Variants in KIAA1671 observed in about 807,000 individuals in gnomAD.
KIAA1671 encodes KIAA1671.
In KIAA1671, 52 loss-of-function variants were observed where a neutral mutation model predicts 131.2. The observed-to-expected ratio is 0.40, with a 90% confidence interval of 0.32 to 0.50. KIAA1671 has a LOEUF of 0.50. Ranked by LOEUF, KIAA1671 falls within the 20% of genes least tolerant of loss-of-function variation. The pLI is 0.73. For synonymous variants in KIAA1671, 1,003 were observed against 961.6 expected, an observed-to-expected ratio of 1.04 and a Z score of -0.80; for missense variants, 2,360 against 2,364.2, an observed-to-expected ratio of 1.00 and a Z score of 0.04.
At chr22:25,172,582 A>G (rs1232434508) in intron 7 of KIAA1671, among the ~76,000 whole-genome samples, 1 of 152,212 alleles carries the variant, frequency 6.6e-6, no homozygotes, top group Non-Finnish European at 1.5e-5. Flanking sequence ...CCCACTTGTC[A>G]GGTGTGCCCA....
chr22:25,187,657 G>T (rs1292340981), intron 11 of KIAA1671, among the ~76,000 whole-genome samples: 1 of 152,094 alleles, frequency 6.6e-6, no homozygotes, highest in East Asian at 1.9e-4. Flanking sequence ...CCATAGTTGT[G>T]TGCCACCATG....
intron 1 of KIAA1671, among the ~76,000 whole-genome samples, chr22:24,969,348 T>C (rs905000645): frequency 1.3e-5 from 2 of 152,220 alleles, no homozygotes; most frequent in Non-Finnish European, 1.5e-5. Flanking sequence ...CCTACGCATA[T>C]CTTCTCAAAT....
At position 25,038,927 on chromosome 22, in the gene KIAA1671, C is replaced by A; in HGVS notation, c.1797C>A (p.Val599=). 1 of 1,551,764 alleles carries A rather than the reference C, an allele frequency of 6.4e-7. No individual in the cohort carries two copies. Among genetic ancestry groups the A allele is most frequent in the East Asian group, 2.4e-5 (1 of 40,902 alleles). ...TGGAGGCCCCGTGCCCTTCTGACGT[C>A]ACTCCAGAGGATGACCGGAGCTTCC... The part of the protein sequence containing the change: ...SSVEAPCPSD[V]TPEDDRSFQT... The change falls in exon 5 of 13, where the codon GTC becomes GTA. Residue 599 remains valine, a synonymous_variant. Transcript: ENST00000358431.
Position 25,170,880 on chromosome 22 carries a change from G to C in KIAA1671, c.4591G>C (p.Val1531Leu), listed in dbSNP as rs552025293. The change falls in exon 7 of 13, where the codon GTG becomes CTG. Residue 1531 changes from valine (V) to leucine (L), a missense_variant. Around this residue, in one of 3 missense-constraint regions of KIAA1671, gnomAD observed 1,161 missense variants for 1,204.7 expected, o/e 0.96. Transcript: ENST00000358431. ...TGAACCCAAGGACACTGACACCCTC[G>C]TGCACGAAGCCGGCAGCCAGTATGG... The part of the protein sequence containing the change: ...PTEPKDTDTL[V>L]HEAGSQYGTW... The C allele has an allele frequency of 3.2e-6, 5 of 1,551,676 alleles. No individual in the cohort carries two copies. In the East Asian group the frequency reaches 1.2e-4, roughly 38 times the overall value.
At chr22:25,075,066 A>G (rs1929033241) in intron 6 of KIAA1671, among the ~76,000 whole-genome samples, 1 of 152,242 alleles carries the variant, frequency 6.6e-6, no homozygotes, top group Admixed American at 6.5e-5. Context: ...ACCATGGTTC[A>G]GTTATCAAAA....
At chr22:25,164,455 A>G (rs546431603) in intron 6 of KIAA1671, among the ~76,000 whole-genome samples, 34 of 152,186 alleles carry the variant, frequency 2.2e-4, no homozygotes, top group Non-Finnish European at 4.4e-4. Flanking sequence ...CAAGGTAGAG[A>G]TTGGAGACTT....
chr22:25,115,216 C>T lies in KIAA1671; in HGVS notation c.4531-55604C>T, dbSNP rs185231305. ...ACACGCCTGGTACTCCAGGTTTAGC[C>T]GAGGAGACAAGGTGGACTCCAGTTA... On this transcript the variant is annotated intron_variant, in intron 6 of 12. Coordinates refer to ENST00000358431, the MANE Select transcript of KIAA1671 (RefSeq NM_001145206.2). Among the ~76,000 whole-genome samples, 64 of 152,266 alleles carry T rather than the reference C, an allele frequency of 4.2e-4. 1 individual carries two copies. The highest frequency in any genetic ancestry group is 3.9e-3 in the Admixed American group (59 of 15,292).
In KIAA1671 at chr22:25,193,433, G is replaced by A. The variant is rs1569001962; in HGVS notation, c.*1032G>A. On this transcript the variant is annotated 3_prime_UTR_variant, in exon 13 of 13. Coordinates refer to ENST00000358431, the MANE Select transcript of KIAA1671 (RefSeq NM_001145206.2). Reference sequence around the variant, plus strand: ...GAACATGACGTGGGCTGCTGGCATGGAGGAGTTGTTCCAAACTGGCCTCAG... The same window carrying A: ...GAACATGACGTGGGCTGCTGGCATGAAGGAGTTGTTCCAAACTGGCCTCAG... 1 of 152,216 alleles carries A rather than the reference G, an allele frequency of 6.6e-6. No individual in the cohort carries two copies. Among genetic ancestry groups the A allele is most frequent in the Non-Finnish European group, 1.5e-5 (1 of 68,054 alleles). 9.4% of individuals were successfully genotyped at this position (152,216 alleles called of 1,614,324 possible). A position where few individuals can be genotyped will look rare whatever the true frequency, so the allele number is the denominator to read the frequency against.
At chr22:25,112,295 G>A in intron 6 of KIAA1671, 1 of 399,024 alleles carries the variant, frequency 2.5e-6, no homozygotes, top group Non-Finnish European at 4.4e-6. Context: ...GGTGGGCCAC[G>A]AACGGACGAG....
chr22:25,154,738 C>T (rs1391598785), intron 6 of KIAA1671, among the ~76,000 whole-genome samples: 1 of 152,210 alleles, frequency 6.6e-6, no homozygotes, highest in Non-Finnish European at 1.5e-5. Flanking sequence ...AGGTTCCAGG[C>T]ACCCCCTCAG....
At chr22:25,177,580 A>G (rs1192818809) in intron 9 of KIAA1671, 58 bp downstream of exon 9, 1 of 1,426,548 alleles carries the variant, frequency 7.0e-7, no homozygotes, top group Non-Finnish European at 9.4e-7. Context: ...AAGGATTTAG[A>G]CTAAGCCCTA....
chr22:25,096,594 C>T (rs1421938293), intron 6 of KIAA1671, among the ~76,000 whole-genome samples: 1 of 152,240 alleles, frequency 6.6e-6, no homozygotes, highest in Non-Finnish European at 1.5e-5. Flanking sequence ...CAAGAGCCAA[C>T]ACCATTATTA....
chr22:25,126,377 G>A (rs568239391), intron 6 of KIAA1671, among the ~76,000 whole-genome samples: 14 of 152,326 alleles, frequency 9.2e-5, no homozygotes, highest in African/African-American at 3.4e-4. Flanking sequence ...GAAGGATGAG[G>A]GTTGGATGTG....
chr22:25,153,811 G>C (rs973117266), intron 6 of KIAA1671, among the ~76,000 whole-genome samples: 1 of 152,206 alleles, frequency 6.6e-6, no homozygotes, highest in African/African-American at 2.4e-5. Flanking sequence ...GAGCCTTGAC[G>C]AATCAGAGAA....
At chr22:25,004,388 G>A (rs953529477) in intron 1 of KIAA1671, among the ~76,000 whole-genome samples, 5 of 152,152 alleles carry the variant, frequency 3.3e-5, no homozygotes, top group Admixed American at 6.6e-5. Context: ...GGGATTACAG[G>A]AGTGAGCCAC....
intron 1 of KIAA1671, among the ~76,000 whole-genome samples, chr22:24,959,724 G>A (rs565558153): frequency 9.1e-4 from 138 of 152,312 alleles, no homozygotes; most frequent in Middle Eastern, 3.4e-3. Context: ...AGGGGGCAAG[G>A]TGAGACAAGT....
chr22:25,100,442 A>G (rs1209561060), intron 6 of KIAA1671, among the ~76,000 whole-genome samples: 14 of 152,176 alleles, frequency 9.2e-5, no homozygotes, highest in Admixed American at 9.2e-4. Flanking sequence ...TCCTATGACC[A>G]CATCTTCTGT....
At chr22:25,144,602 T>G (rs1174380366) in intron 6 of KIAA1671, among the ~76,000 whole-genome samples, 1 of 152,214 alleles carries the variant, frequency 6.6e-6, no homozygotes, top group African/African-American at 2.4e-5. Context: ...TGGCCTCACA[T>G]GGGAGGCGAA....
intron 6 of KIAA1671, chr22:25,062,879 T>C (rs2145837829): frequency 7.2e-6 from 1 of 139,600 alleles, no homozygotes; most frequent in South Asian, 2.4e-4. Flanking sequence ...TCAAATGTGC[T>C]GCAGCTGACA....
Sources: gnomAD v4.1 joint callset for allele counts (sites outside exome capture counted in the v4.1 genomes callset) on GRCh38, gnomAD v4.1.1 for gene constraint, gnomAD v4.1.1 regional missense constraint, MANE v1.5 for transcripts, NCBI Gene and HGNC (gene_info 2026-07-23, HGNC 2026-07-21) for gene names.